The following ABTB3 variants were observed in gnomAD, a reference collection of about 807,000 sequenced individuals.
ABTB3 encodes ankyrin repeat and BTB domain containing 3.
At chr12:107,540,701 T>C in the ABTB3 span, among the ~76,000 whole-genome samples, 1 of 152,096 alleles carries the variant, frequency 6.6e-6, no homozygotes, top group African/African-American at 2.4e-5. Context: ...GGGCTGCTTG[T>C]GGCTGGGTGC....
chr12:107,445,783 A>G, the ABTB3 span, among the ~76,000 whole-genome samples: 1 of 151,772 alleles, frequency 6.6e-6, no homozygotes. Flanking sequence ...TGTCTTTTTG[A>G]ACGTATAAAG....
the ABTB3 span, among the ~76,000 whole-genome samples, chr12:107,417,369 C>T: frequency 6.6e-6 from 1 of 152,228 alleles, no homozygotes; most frequent in Non-Finnish European, 1.5e-5. Context: ...CTTACGGCCT[C>T]ATCACCCCAG....
At chr12:107,462,849 G>A in the ABTB3 span, among the ~76,000 whole-genome samples, 1 of 151,468 alleles carries the variant, frequency 6.6e-6, no homozygotes, top group East Asian at 1.9e-4. Context: ...GATGATAATA[G>A]TAGTGACCGT....
chr12:107,554,114 A>G, the ABTB3 span, among the ~76,000 whole-genome samples: 1 of 152,220 alleles, frequency 6.6e-6, no homozygotes, highest in Non-Finnish European at 1.5e-5. Context: ...CACTTTACAT[A>G]CAGAGTTTAA....
At chr12:107,491,787 C>T in the ABTB3 span, among the ~76,000 whole-genome samples, 1 of 148,176 alleles carries the variant, frequency 6.7e-6, no homozygotes. Context: ...CACGTCACCG[C>T]ACTCCAGCCT....
At chr12:107,620,230 A>G in the ABTB3 span, 1 of 1,573,746 alleles carries the variant, frequency 6.4e-7, no homozygotes, top group Non-Finnish European at 8.6e-7. Flanking sequence ...CCAGATCTGA[A>G]CGGTCTTTTA....
the ABTB3 span, among the ~76,000 whole-genome samples, chr12:107,420,501 C>G: frequency 6.6e-6 from 1 of 152,284 alleles, no homozygotes; most frequent in South Asian, 2.1e-4. Flanking sequence ...TATTCACTAT[C>G]ATGAGAACAG....
the ABTB3 span, among the ~76,000 whole-genome samples, chr12:107,633,332 T>C: frequency 2.0e-5 from 3 of 152,216 alleles, no homozygotes; most frequent in African/African-American, 7.2e-5. Context: ...TTAGACTTCG[T>C]AGCCTCCAGA....
chr12:107,537,154 T>C, the ABTB3 span, among the ~76,000 whole-genome samples: 4 of 149,758 alleles, frequency 2.7e-5, no homozygotes, highest in African/African-American at 7.4e-5. Flanking sequence ...TGATCTTCTT[T>C]GTATATGGAA....
chr12:107,362,916 A>G, the ABTB3 span, among the ~76,000 whole-genome samples: 6 of 152,188 alleles, frequency 3.9e-5, no homozygotes, highest in Non-Finnish European at 5.9e-5. Context: ...AGATGAGGAA[A>G]CTAAGGGTTA....
At chr12:107,410,226 T>TAAAA in the ABTB3 span, among the ~76,000 whole-genome samples, 82 of 122,226 alleles carry the variant, frequency 6.7e-4, no homozygotes, top group South Asian at 2.1e-3. Context: ...TCAGAATTGT[T>TAAAA]AAAAAAAAAA....
At chr12:107,412,922 C>T in the ABTB3 span, among the ~76,000 whole-genome samples, 18 of 152,170 alleles carry the variant, frequency 1.2e-4, no homozygotes, top group African/African-American at 4.3e-4. Flanking sequence ...GCTCCAGATG[C>T]AGCGTGTCCG....
chr12:107,464,878 C>T, the ABTB3 span, among the ~76,000 whole-genome samples: 1 of 152,010 alleles, frequency 6.6e-6, no homozygotes. Context: ...GGTGATGTTA[C>T]CAGCATCTAG....
chr12:107,505,702 T>C, the ABTB3 span, among the ~76,000 whole-genome samples: 6 of 152,124 alleles, frequency 3.9e-5, no homozygotes, highest in African/African-American at 1.2e-4. Context: ...CACTCTCCAA[T>C]AGGTCCCAAT....
the ABTB3 span, chr12:107,318,799 C>T: frequency 1.0e-6 from 1 of 956,950 alleles, no homozygotes; most frequent in South Asian, 1.7e-5. Context: ...GCCGAAAGTA[C>T]TAACAGTTGG....
the ABTB3 span, among the ~76,000 whole-genome samples, chr12:107,359,265 C>T: frequency 1.3e-5 from 2 of 152,100 alleles, no homozygotes; most frequent in Non-Finnish European, 2.9e-5. Context: ...GTGGAGAGAC[C>T]CTTAGGACAT....
At chr12:107,438,472 C>T in the ABTB3 span, among the ~76,000 whole-genome samples, 15 of 152,226 alleles carry the variant, frequency 9.9e-5, no homozygotes, top group East Asian at 9.7e-4. Flanking sequence ...GAATACAGCC[C>T]GTTGCCTGCT....
chr12:107,604,764 C>T, the ABTB3 span, among the ~76,000 whole-genome samples: 5,318 of 152,220 alleles, frequency 0.035, 311 homozygotes, highest in African/African-American at 0.12. Context: ...CCATCACTGG[C>T]TATATATCCA....
the ABTB3 span, chr12:107,658,345 T>A: frequency 1.3e-5 from 2 of 153,036 alleles, no homozygotes; most frequent in African/African-American, 2.4e-5. Context: ...TTTCTTTTTT[T>A]TTTTTAAATA....
Sources: gnomAD v4.1 joint callset for allele counts (sites outside exome capture counted in the v4.1 genomes callset) on GRCh38, gnomAD v4.1.1 for gene constraint, MANE v1.5 for transcripts, NCBI Gene and HGNC (gene_info 2026-07-23, HGNC 2026-07-21) for gene names.